The following GABRA4 variants were observed in gnomAD, a reference collection of about 807,000 sequenced individuals.
GABRA4 encodes the protein gamma-aminobutyric acid type A receptor subunit alpha4.
Under a neutral mutation model 49.7 loss-of-function variants are expected in GABRA4, and 12 were observed. That is an observed-to-expected ratio of 0.24 (90% CI 0.15 to 0.39). The LOEUF (loss-of-function observed/expected upper bound fraction) is 0.39. GABRA4 is among the 10% of genes least tolerant of loss of function. GABRA4 has a pLI of 1.00. For synonymous variants in GABRA4, 288 were observed against 240.2 expected (o/e 1.20, Z -1.84); for missense variants, 506 against 686.0 (o/e 0.74, Z 2.93).
intron 8 of GABRA4, among the ~76,000 whole-genome samples, chr4:46,946,670 T>C (rs1721991697): frequency 6.6e-6 from 1 of 152,160 alleles, no homozygotes. Flanking sequence ...TATACAGCCT[T>C]GATACCTAGT....
intron 6 of GABRA4, 32 bp from the exon 7 acceptor site, chr4:46,971,267 CG>C: frequency 1.2e-6 from 2 of 1,602,800 alleles, no homozygotes; most frequent in Non-Finnish European, 1.7e-6. Flanking sequence ...AATGTGTTAT[CG>C]GTTCTGCAGG....
chr4:46,928,022 T>A lies in GABRA4; in HGVS notation c.*203A>T, dbSNP rs889454019. 2.0e-6 allele frequency: 1 copy of A among 494,162 alleles called. No homozygotes were observed. Among genetic ancestry groups the A allele is most frequent in the Non-Finnish European group, 3.5e-6 (1 of 285,758 alleles). 30.6% of individuals were successfully genotyped at this position (494,162 alleles called of 1,614,324 possible). ...TATCTAACTGAATGCTGAGTTCTTT[T>A]AAAATAATTTTTCTGAAAAAAAACA... On this transcript the variant is annotated 3_prime_UTR_variant, in exon 9 of 9. Coordinates refer to ENST00000264318, the MANE Select transcript of GABRA4 (RefSeq NM_000809.4).
chr4:46,984,936 T>C, intron 2 of GABRA4, among the ~76,000 whole-genome samples: 1 of 151,992 alleles, frequency 6.6e-6, no homozygotes, highest in East Asian at 1.9e-4. Context: ...TCTTGATATA[T>C]ATGCAAAAGA....
chr4:46,964,273 C>T (rs931756057), intron 8 of GABRA4, among the ~76,000 whole-genome samples: 8 of 151,526 alleles, frequency 5.3e-5, no homozygotes, highest in Admixed American at 3.3e-4. Flanking sequence ...GGAAGGGTAG[C>T]GGGAGTTTGG....
chr4:46,969,289 C>T (rs963343963), intron 7 of GABRA4, among the ~76,000 whole-genome samples: 8 of 151,356 alleles, frequency 5.3e-5, no homozygotes, highest in South Asian at 2.1e-4. Context: ...TTTTTTTATG[C>T]GTAAAATATA....
chr4:46,952,237 C>A (rs1458059863), intron 8 of GABRA4, among the ~76,000 whole-genome samples: 1 of 151,876 alleles, frequency 6.6e-6, no homozygotes, highest in African/African-American at 2.4e-5. Context: ...TACAGAACAA[C>A]TAAGAAGTTA....
chr4:46,956,846 A>G (rs991927045), intron 8 of GABRA4, among the ~76,000 whole-genome samples: 13 of 152,096 alleles, frequency 8.5e-5, no homozygotes, highest in Admixed American at 3.3e-4. Flanking sequence ...ACCAACCAAT[A>G]AACAACTGTA....
At chr4:46,942,212 C>T (rs1277621224) in intron 8 of GABRA4, among the ~76,000 whole-genome samples, 1 of 152,108 alleles carries the variant, frequency 6.6e-6, no homozygotes, top group Non-Finnish European at 1.5e-5. Flanking sequence ...CTTTATGGAA[C>T]ATCCACTCAT....
At position 46,928,577 on chromosome 4, in the gene GABRA4, C is replaced by T. The variant is rs763817157; in HGVS notation, c.1313G>A (p.Arg438His). Reference protein sequence around the residue: ...YLASSPNPFSRANAAETISAA... With the variant: ...YLASSPNPFSHANAAETISAA... ...AGATATGGTTTCAGCTGCATTTGCA[C>T]GGCTGAATGGGTTTGGACTGGAAGC... Residue 438 changes from arginine to histidine, a missense_variant, in exon 9 of 9, where the codon CGT becomes CAT. Around this residue, in one of 5 missense-constraint regions of GABRA4, gnomAD observed 243 missense variants for 210.8 expected, o/e 1.15. Transcript: ENST00000264318. The T allele has an allele frequency of 3.0e-5, 49 of 1,613,548 alleles. No homozygotes were observed. The highest frequency in any genetic ancestry group is 1.6e-4 in the Middle Eastern group (1 of 6,078).
Position 46,992,885 on chromosome 4 carries a change from G to T in GABRA4, c.148C>A (p.Arg50Ser), listed in dbSNP as rs750655332. 2 of 1,613,874 alleles carry T rather than the reference G, an allele frequency of 1.2e-6. No homozygotes were observed. Among genetic ancestry groups the T allele is most frequent in the South Asian group, 2.2e-5 (2 of 91,054 alleles). ...EEKLCTENFT[R>S]ILDSLLDGYD... is the part of the protein sequence containing the mutation. ...CCATCGAGCAAACTGTCCAGGATGC[G>T]GGTGAAATTTTCTGTGCACAATTTC... is the stretch of plus-strand genomic sequence containing the variant. Residue 50 changes from arginine to serine, a missense_variant, in exon 2 of 9, where the codon CGC (arginine) becomes AGC (serine). Physicochemically the swap from Arg to Ser is moderately radical, Grantham distance 110. Around this residue, in one of 5 missense-constraint regions of GABRA4, gnomAD observed 195 missense variants for 326.0 expected, o/e 0.60. Transcript: ENST00000264318.
In GABRA4 at chr4:46,921,385, T is replaced by C. The variant is rs1234614816; in HGVS notation, c.*6840A>G. 6.6e-6 allele frequency: 1 copy of C among 151,600 alleles called. No homozygotes were observed. Among genetic ancestry groups the C allele is most frequent in the East Asian group, 1.9e-4 (1 of 5,164 alleles). 9.4% of individuals were successfully genotyped at this position (151,600 alleles called of 1,614,324 possible). On this transcript the variant is annotated 3_prime_UTR_variant, in exon 9 of 9. Coordinates refer to ENST00000264318, the MANE Select transcript of GABRA4 (RefSeq NM_000809.4). ...AAAGCCCAAGAGGGAAAAATGAAAA[T>C]ACAAAGGAAAGGGAAGCAATCTCAG...
chr4:46,970,619 A>C (rs189500718), intron 7 of GABRA4, among the ~76,000 whole-genome samples: 1 of 151,724 alleles, frequency 6.6e-6, no homozygotes, highest in Admixed American at 6.6e-5. Flanking sequence ...AATACCTTCC[A>C]ATTCAATGCA....
chr4:46,958,670 C>T (rs1369107427), intron 8 of GABRA4, among the ~76,000 whole-genome samples: 1 of 151,904 alleles, frequency 6.6e-6, no homozygotes, highest in African/African-American at 2.4e-5. Flanking sequence ...CGCCCAAAGA[C>T]ATACTCAAGC....
At chr4:46,970,629 A>G (rs1333612358) in intron 7 of GABRA4, among the ~76,000 whole-genome samples, 1 of 151,582 alleles carries the variant, frequency 6.6e-6, no homozygotes, top group African/African-American at 2.4e-5. Flanking sequence ...AATTCAATGC[A>G]TTTAAACCGT....
At chr4:46,989,281 G>A (rs1215923495) in intron 2 of GABRA4, among the ~76,000 whole-genome samples, 2 of 152,172 alleles carry the variant, frequency 1.3e-5, no homozygotes, top group East Asian at 1.9e-4. Context: ...TTATGTAACA[G>A]TGTTACAGTG....
intron 3 of GABRA4, 95 bp from the exon 4 acceptor site, chr4:46,977,725 T>TA: frequency 5.0e-6 from 4 of 796,676 alleles, no homozygotes; most frequent in African/African-American, 1.7e-5. Flanking sequence ...TTCATGCTCA[T>TA]AAAAAAATAC....
At chr4:46,932,601 G>T (rs1265421171) in intron 8 of GABRA4, among the ~76,000 whole-genome samples, 1 of 152,054 alleles carries the variant, frequency 6.6e-6, no homozygotes, top group Non-Finnish European at 1.5e-5. Context: ...TAATTTACTT[G>T]AGTTTGATTT....
intron 2 of GABRA4, among the ~76,000 whole-genome samples, chr4:46,987,835 A>G (rs1241612032): frequency 6.6e-6 from 1 of 151,916 alleles, no homozygotes; most frequent in Non-Finnish European, 1.5e-5. Flanking sequence ...AGCATTTTTC[A>G]CTCTAACTCA....
intron 8 of GABRA4, among the ~76,000 whole-genome samples, chr4:46,939,920 C>T (rs949734951): frequency 6.6e-6 from 1 of 151,916 alleles, no homozygotes; most frequent in Non-Finnish European, 1.5e-5. Flanking sequence ...ATAGATAATA[C>T]TTTGTATCAC....
Sources: allele counts gnomAD v4.1 joint callset (sites outside exome capture counted in the v4.1 genomes callset), GRCh38; gene constraint gnomAD v4.1.1; regional missense constraint gnomAD v4.1.1; transcripts MANE v1.5; gene names NCBI Gene and HGNC (gene_info 2026-07-23, HGNC 2026-07-21).